HAPLN3: variants seen among roughly 807,000 people sequenced by gnomAD.
HAPLN3 encodes the protein hyaluronan and proteoglycan link protein 3, also known as extracellular link domain containing, 1.
Under a neutral mutation model 28.1 loss-of-function variants are expected in HAPLN3, and 28 were observed. That is an observed-to-expected ratio of 1.00 (90% confidence interval 0.74 to 1.37). The LOEUF (loss-of-function observed/expected upper bound fraction) is 1.37, where lower values mean the gene tolerates loss of function less well. Among genes scored for constraint, HAPLN3 ranks in the 40% most tolerant of loss-of-function variants. The pLI is 0.00. For synonymous variants in HAPLN3, 211 were observed against 213.1 expected, an observed-to-expected ratio of 0.99 and a Z score of 0.09; for missense variants, 513 against 504.6, an observed-to-expected ratio of 1.02 and a Z score of -0.16.
intron 1 of HAPLN3, among the ~76,000 whole-genome samples, chr15:88,887,718 C>CT (rs1897902999): frequency 6.6e-6 from 1 of 152,142 alleles, no homozygotes; most frequent in Admixed American, 6.5e-5. Context: ...AATCCCAGGA[C>CT]TTTGGGAGGC....
At chr15:88,882,858 T>C (rs1004685122) in intron 2 of HAPLN3, among the ~76,000 whole-genome samples, 12 of 152,018 alleles carry the variant, frequency 7.9e-5, no homozygotes, top group Non-Finnish European at 8.8e-5. Context: ...TTTTTAAAAC[T>C]AGCTGAGTAT....
At chr15:88,891,155 C>T (rs955486810) in intron 1 of HAPLN3, among the ~76,000 whole-genome samples, 8 of 152,202 alleles carry the variant, frequency 5.3e-5, no homozygotes, top group Non-Finnish European at 1.0e-4. Flanking sequence ...GCTGGGATTA[C>T]AGGCGTGAGC....
At chr15:88,892,123 A>G (rs533054448) in intron 1 of HAPLN3, among the ~76,000 whole-genome samples, 1 of 152,316 alleles carries the variant, frequency 6.6e-6, no homozygotes, top group Admixed American at 6.5e-5. Context: ...ATGCTAACTC[A>G]GCAGTAATGT....
chr15:88,888,057 G>A lies in HAPLN3; in HGVS notation c.-47-712C>T, dbSNP rs147249090. Among the ~76,000 whole-genome samples, 26 of 151,762 alleles carry A rather than the reference G, an allele frequency of 1.7e-4. No individual in the cohort carries two copies. The highest frequency in any genetic ancestry group is 6.3e-4 in the African/African-American group (26 of 41,408). On this transcript the variant is annotated intron_variant, in intron 1 of 4. Transcript: ENST00000359595. The surrounding 1 kb of genome is among the most constrained non-coding windows in gnomAD (Gnocchi z 4.1). ...CTAGACTAGAATAGAAAATATCAGGGTGAATAGAGGGTATGTTAAGTAAAG... is the reference window on the plus strand; with the variant it reads ...CTAGACTAGAATAGAAAATATCAGGATGAATAGAGGGTATGTTAAGTAAAG...
Position 88,887,310 on chromosome 15 carries a change from A to G in HAPLN3, c.-12T>C, listed in dbSNP as rs1216212923. 4.3e-6 allele frequency: 7 copies of G among 1,613,906 alleles called. No homozygotes were observed. In the South Asian group the frequency reaches 6.6e-5, roughly 15 times the overall value. ...AGCAACAGGCCCATCTCCTCATGCC[A>G]GGGTGACCCGGGCCAGGCTGGGGCC... On this transcript the variant is annotated 5_prime_UTR_variant, in exon 2 of 5. Transcript: ENST00000359595.
chr15:88,887,310 A>T lies in HAPLN3; in HGVS notation c.-12T>A. The T allele has an allele frequency of 6.2e-7, 1 of 1,613,906 alleles. No individual in the cohort carries two copies. The highest frequency in any genetic ancestry group is 8.5e-7 in the Non-Finnish European group (1 of 1,179,834). ...AGCAACAGGCCCATCTCCTCATGCC[A>T]GGGTGACCCGGGCCAGGCTGGGGCC... On this transcript the variant is annotated 5_prime_UTR_variant, in exon 2 of 5. Coordinates refer to ENST00000359595, the MANE Select transcript of HAPLN3 (RefSeq NM_178232.4).
chr15:88,882,428 C>T (rs1172868437), intron 2 of HAPLN3, among the ~76,000 whole-genome samples: 1 of 152,218 alleles, frequency 6.6e-6, no homozygotes, highest in Admixed American at 6.5e-5. Flanking sequence ...CCTTCCCCAC[C>T]ACACTGGCCA....
chr15:88,878,054 C>A lies in HAPLN3; in HGVS notation c.999G>T (p.Gly333=). 6.2e-7 allele frequency: 1 copy of A among 1,613,996 alleles called. No homozygotes were observed. Among genetic ancestry groups the A allele is most frequent in the African/African-American group, 1.3e-5 (1 of 75,020 alleles). ...YPVVHPHPNC[G]PPEPGVRSFG... ...AGCTTCGGACCCCAGGCTCTGGGGGCCCACAGTTAGGATGCGGGTGAACCA... is the reference window on the plus strand; with the variant it reads ...AGCTTCGGACCCCAGGCTCTGGGGGACCACAGTTAGGATGCGGGTGAACCA... The change falls in exon 5 of 5, where the codon GGG becomes GGT. Residue 333 remains glycine (G), a synonymous_variant. Coordinates refer to ENST00000359595, the MANE Select transcript of HAPLN3 (RefSeq NM_178232.4).
Position 88,881,317 on chromosome 15 carries a change from C to T in HAPLN3, c.493+40G>A, listed in dbSNP as rs117304257. On this transcript the variant is annotated intron_variant, in intron 3 of 4. Coordinates refer to ENST00000359595, the MANE Select transcript of HAPLN3 (RefSeq NM_178232.4). This position sits in a 1 kb window ranked among gnomAD's most constrained non-coding sequence, Gnocchi z 6.0. ...TTTCTCTGGTCCTCTCCCCTCTGCTCTCAGGTCCCAGTGTCACCCAGTCCC... is the reference window on the plus strand; with the variant it reads ...TTTCTCTGGTCCTCTCCCCTCTGCTTTCAGGTCCCAGTGTCACCCAGTCCC... 0.019 allele frequency: 29,623 copies of T among 1,579,824 alleles called. 362 individuals are homozygous for T. Among genetic ancestry groups the T allele is most frequent in the Middle Eastern group, 0.043 (251 of 5,904 alleles).
In HAPLN3 at chr15:88,879,015, G is replaced by T. The variant is rs775063325; in HGVS notation, c.748C>A (p.Arg250Ser). 2.5e-5 allele frequency: 40 copies of T among 1,609,680 alleles called. No homozygotes were observed. In the East Asian group the frequency reaches 4.9e-4, roughly 20 times the overall value. Reference sequence around the variant, plus strand: ...AATACATCATAGCGGTGCAGGCGGCGGTGGCGGGGGCCGTAGCTTCGCACG... The same window carrying T: ...AATACATCATAGCGGTGCAGGCGGCTGTGGCGGGGGCCGTAGCTTCGCACG... Reference protein sequence around the residue: ...PGVRSYGPRHRRLHRYDVFCF... With the variant: ...PGVRSYGPRHSRLHRYDVFCF... The change falls in exon 4 of 5, where the codon CGC (arginine) becomes AGC (serine). Residue 250 changes from arginine (R) to serine (S), a missense_variant. Arg to Ser is a moderately radical substitution (Grantham distance 110). Transcript: ENST00000359595. The surrounding 1 kb of genome is among the most constrained non-coding windows in gnomAD (Gnocchi z 5.0).
At chr15:88,892,594 G>A (rs1352521281) in intron 1 of HAPLN3, among the ~76,000 whole-genome samples, 1 of 152,170 alleles carries the variant, frequency 6.6e-6, no homozygotes, top group Non-Finnish European at 1.5e-5. Context: ...AAGGTTTCAA[G>A]TTAAACTCAT....
Position 88,887,358 on chromosome 15 carries a change from G to A in HAPLN3, c.-47-13C>T. On this transcript the variant is annotated splice_polypyrimidine_tract_variant and intron_variant, in intron 1 of 4. Coordinates refer to ENST00000359595, the MANE Select transcript of HAPLN3 (RefSeq NM_178232.4). Reference sequence around the variant, plus strand: ...GCCCCAGGGCAAACTGGGAAGGGGAGGAAAACAAGGCAATTAGAAAAGCCT... The same window carrying A: ...GCCCCAGGGCAAACTGGGAAGGGGAAGAAAACAAGGCAATTAGAAAAGCCT... 2 of 1,599,174 alleles carry A rather than the reference G, an allele frequency of 1.3e-6. No individual in the cohort carries two copies. Among genetic ancestry groups the A allele is most frequent in the South Asian group, 1.1e-5 (1 of 89,624 alleles).
chr15:88,877,820 G>C lies in HAPLN3; in HGVS notation c.*150C>G. The C allele has an allele frequency of 1.3e-6, 1 of 799,552 alleles. No individual in the cohort carries two copies. The highest frequency in any genetic ancestry group is 1.9e-6 in the Non-Finnish European group (1 of 521,778). 49.5% of individuals were successfully genotyped at this position (799,552 alleles called of 1,614,324 possible). ...CAAAGGGAGGCATTGGGTTCTGTTT[G>C]CTTTACAAAAAATAGTAAAAAAATG... On this transcript the variant is annotated 3_prime_UTR_variant, in exon 5 of 5. Coordinates refer to ENST00000359595, the MANE Select transcript of HAPLN3 (RefSeq NM_178232.4). The surrounding 1 kb of genome is among the most constrained non-coding windows in gnomAD (Gnocchi z 5.1).
At chr15:88,893,058 C>A in intron 1 of HAPLN3, 1 of 1,241,612 alleles carries the variant, frequency 8.1e-7, no homozygotes, top group Middle Eastern at 1.9e-4. Context: ...GGACACACTG[C>A]ATCCTGCTGA....
In HAPLN3 at chr15:88,879,759, G is replaced by A. The variant is rs775860227; in HGVS notation, c.494-490C>T. The A allele has an allele frequency of 4.6e-5, 53 of 1,157,616 alleles. No homozygotes were observed. The highest frequency in any genetic ancestry group is 1.6e-4 in the Admixed American group (4 of 24,940). 71.7% of individuals were successfully genotyped at this position (1,157,616 alleles called of 1,614,324 possible). The stretch of plus-strand genomic sequence containing the variant: ...AGGAGAAGGAGAGGCCCTAGAGGCC[G>A]TGGGGAGAGGGTTGGGGAAGGGCCT... On this transcript the variant is annotated intron_variant, in intron 3 of 4. Transcript: ENST00000359595. This position sits in a 1 kb window ranked among gnomAD's most constrained non-coding sequence, Gnocchi z 5.0.
In HAPLN3 at chr15:88,877,638, T is replaced by C; in HGVS notation, c.*332A>G. On this transcript the variant is annotated 3_prime_UTR_variant, in exon 5 of 5. Transcript: ENST00000359595. The surrounding 1 kb of genome is among the most constrained non-coding windows in gnomAD (Gnocchi z 5.1). ...AGAACTGTGCCCACCATGCCCGGAC[T>C]CCCGGCGGCATTCTAGACAGGCCAC... 1 of 238,972 alleles carries C rather than the reference T, an allele frequency of 4.2e-6. No individual in the cohort carries two copies. Among genetic ancestry groups the C allele is most frequent in the Non-Finnish European group, 8.1e-6 (1 of 123,572 alleles). 14.8% of individuals were successfully genotyped at this position (238,972 alleles called of 1,614,324 possible). A position where few individuals can be genotyped will look rare whatever the true frequency, so the allele number is the denominator to read the frequency against.
At chr15:88,885,235 C>G (rs1897817591) in intron 2 of HAPLN3, among the ~76,000 whole-genome samples, 1 of 152,168 alleles carries the variant, frequency 6.6e-6, no homozygotes, top group Non-Finnish European at 1.5e-5. Flanking sequence ...TTACTGAGAC[C>G]AGCCATCTGG....
intron 2 of HAPLN3, among the ~76,000 whole-genome samples, chr15:88,886,860 A>G (rs766868828): frequency 6.6e-6 from 1 of 152,148 alleles, no homozygotes; most frequent in Non-Finnish European, 1.5e-5. Context: ...ACTCACATCT[A>G]TTCGACCCCA....
chr15:88,893,765 T>TAC (rs1401237745), intron 1 of HAPLN3, among the ~76,000 whole-genome samples: 1 of 151,906 alleles, frequency 6.6e-6, no homozygotes, highest in Non-Finnish European at 1.5e-5. Context: ...CCATCTCTAC[T>TAC]AAAAATACAA....
Sources: allele counts gnomAD v4.1 joint callset (sites outside exome capture counted in the v4.1 genomes callset), GRCh38; gene constraint gnomAD v4.1.1; non-coding constraint Gnocchi (gnomAD v3.1); transcripts MANE v1.5; gene names NCBI Gene and HGNC (gene_info 2026-07-23, HGNC 2026-07-21).